Variants in FBXL2 observed in about 807,000 individuals in gnomAD.
FBXL2 encodes F-box and leucine rich repeat protein 2.
FBXL2 carries 38 observed loss-of-function variants against 69.2 expected under a neutral mutation model. The observed-to-expected ratio is 0.55, with a 90% CI of 0.42 to 0.72. FBXL2 has a LOEUF of 0.72. FBXL2 is among the 30% of genes least tolerant of loss of function. The pLI is 0.00. For missense variants in FBXL2, 354 were observed against 520.3 expected (o/e 0.68, Z 3.11); for synonymous variants, 192 against 201.3 (o/e 0.95, Z 0.39).
chr3:33,373,438 C>T (rs2042426821), intron 7 of FBXL2, 83 bp downstream of exon 7: 5 of 1,508,648 alleles, frequency 3.3e-6, no homozygotes, highest in Non-Finnish European at 4.6e-6. Context: ...CACGTTGGAT[C>T]CAGCAAGAAA....
intron 2 of FBXL2, among the ~76,000 whole-genome samples, chr3:33,353,638 C>T (rs948793834): frequency 2.0e-5 from 3 of 152,164 alleles, no homozygotes; most frequent in Non-Finnish European, 4.4e-5. Flanking sequence ...CCTGTAATCC[C>T]AGCACTTTGG....
chr3:33,399,873 A>G (rs1165185528), intron 12 of FBXL2, among the ~76,000 whole-genome samples: 1 of 152,254 alleles, frequency 6.6e-6, no homozygotes, highest in Non-Finnish European at 1.5e-5. Context: ...AACTTACTGT[A>G]AAACAAAAAT....
intron 2 of FBXL2, among the ~76,000 whole-genome samples, chr3:33,302,903 T>C (rs2125733921): frequency 6.6e-6 from 1 of 152,152 alleles, no homozygotes; most frequent in Non-Finnish European, 1.5e-5. Context: ...AATTTTCCTT[T>C]TCTTAAATTT....
rs563894043 is a variant in FBXL2 at position 33,343,989 on chromosome 3, T to C, written c.66-14978T>C. On this transcript the variant is annotated intron_variant, in intron 2 of 14. Transcript: ENST00000484457. Reference sequence around the variant, plus strand: ...ATTAATTGAGACAATCTGTTCTACATAGCAGTATCAAAAGAATCAATAAAT... The same window carrying C: ...ATTAATTGAGACAATCTGTTCTACACAGCAGTATCAAAAGAATCAATAAAT... Among the ~76,000 whole-genome samples the C allele has an allele frequency of 3.9e-5, 6 of 151,952 alleles. No homozygotes were observed. The South Asian group carries it at 1.0e-3, about 26-fold the overall frequency.
In FBXL2 at chr3:33,375,386, T is replaced by TA. The variant is rs2042570476; in HGVS notation, c.757dup (p.Thr253AsnfsTer23). 1 of 1,614,090 alleles carries TA rather than the reference T, an allele frequency of 6.2e-7. No homozygotes were observed. Among genetic ancestry groups the TA allele is most frequent in the African/African-American group, 1.3e-5 (1 of 74,940 alleles). On this transcript the variant is annotated frameshift_variant, in exon 10 of 15. Coordinates refer to ENST00000484457, the MANE Select transcript of FBXL2 (RefSeq NM_012157.5). LOFTEE classifies it high-confidence loss of function. ...GCAGCAACCTCACAGATGCCTCTCT[T>TA]ACAGCCCTGGGTTTGAACTGTCCGC...
intron 12 of FBXL2, among the ~76,000 whole-genome samples, chr3:33,394,672 A>C (rs1161722576): frequency 6.6e-6 from 1 of 152,156 alleles, no homozygotes; most frequent in Non-Finnish European, 1.5e-5. Flanking sequence ...TGCTTCCCCA[A>C]ACAAGGGGTC....
At chr3:33,302,872 A>G (rs2036406173) in intron 2 of FBXL2, among the ~76,000 whole-genome samples, 1 of 152,222 alleles carries the variant, frequency 6.6e-6, no homozygotes, top group African/African-American at 2.4e-5. Flanking sequence ...AAATTATAAA[A>G]TGACTAGCAC....
At chr3:33,388,456 C>CA (rs146484696), downstream of FBXL2, 347 of 152,722 alleles carry the variant, frequency 2.3e-3, no homozygotes, top group Middle Eastern at 0.014. Context: ...GGGACAAACT[C>CA]ACGTTCAATG....
chr3:33,393,407 G>C, intron 12 of FBXL2: 1 of 1,612,606 alleles, frequency 6.2e-7, no homozygotes, highest in Non-Finnish European at 8.5e-7. Flanking sequence ...GCAAGTTTTC[G>C]AGCAACTTCT....
chr3:33,295,114 A>G (rs1434721907), intron 1 of FBXL2, among the ~76,000 whole-genome samples: 1 of 152,312 alleles, frequency 6.6e-6, no homozygotes, highest in African/African-American at 2.4e-5. Context: ...TGAGATATTC[A>G]TCATATACTA....
chr3:33,406,220 G>A (rs960880629), downstream of FBXL2, among the ~76,000 whole-genome samples: 1 of 152,094 alleles, frequency 6.6e-6, no homozygotes, highest in African/African-American at 2.4e-5. Context: ...GTCAGCCTTG[G>A]CAATACAGTG....
intron 2 of FBXL2, among the ~76,000 whole-genome samples, chr3:33,308,320 G>A (rs1323657583): frequency 6.6e-6 from 1 of 152,160 alleles, no homozygotes; most frequent in East Asian, 1.9e-4. Flanking sequence ...CAAGATTATA[G>A]TCTGGTTGCT....
At chr3:33,361,346 A>C (rs757412586) in intron 4 of FBXL2, among the ~76,000 whole-genome samples, 30 of 151,986 alleles carry the variant, frequency 2.0e-4, no homozygotes, top group Non-Finnish European at 3.2e-4. Flanking sequence ...TCTACAAAAA[A>C]ATGAAAAAAC....
At chr3:33,422,489 G>A in the FBXL2 span, among the ~76,000 whole-genome samples, 132 of 152,310 alleles carry the variant, frequency 8.7e-4, no homozygotes, top group African/African-American at 2.7e-3. Context: ...GGCCAAGGCA[G>A]GAAGATCGTT....
chr3:33,319,743 A>G (rs1243982870), intron 2 of FBXL2, among the ~76,000 whole-genome samples: 2 of 152,202 alleles, frequency 1.3e-5, no homozygotes, highest in Non-Finnish European at 2.9e-5. Context: ...AAATTGAAAT[A>G]TCAAAGCATT....
chr3:33,298,362 G>A (rs1319843406), intron 2 of FBXL2, among the ~76,000 whole-genome samples: 1 of 152,086 alleles, frequency 6.6e-6, no homozygotes, highest in African/African-American at 2.4e-5. Flanking sequence ...TTAGTATTAT[G>A]CAATCATCAA....
intron 1 of FBXL2, among the ~76,000 whole-genome samples, chr3:33,281,185 C>T (rs1462202362): frequency 6.6e-6 from 1 of 151,504 alleles, no homozygotes; most frequent in African/African-American, 2.4e-5. Flanking sequence ...CTAAGGCTAT[C>T]CCTCCGCCCT....
At chr3:33,292,943 C>T (rs909079336) in intron 1 of FBXL2, among the ~76,000 whole-genome samples, 1 of 152,130 alleles carries the variant, frequency 6.6e-6, no homozygotes, top group Non-Finnish European at 1.5e-5. Flanking sequence ...GGAACCATAA[C>T]AATTATAAGC....
chr3:33,300,998 C>T (rs540116341), intron 2 of FBXL2, among the ~76,000 whole-genome samples: 26 of 152,192 alleles, frequency 1.7e-4, no homozygotes, highest in African/African-American at 5.5e-4. Flanking sequence ...CCACTGCGCC[C>T]GGCCTTTCCT....
Sources: gnomAD v4.1 joint callset for allele counts (sites outside exome capture counted in the v4.1 genomes callset) on GRCh38, gnomAD v4.1.1 for gene constraint, MANE v1.5 for transcripts, NCBI Gene and HGNC (gene_info 2026-07-23, HGNC 2026-07-21) for gene names.